MGAT4C: variants seen among roughly 807,000 people sequenced by gnomAD.
MGAT4C encodes the protein MGAT4 family member C.
A neutral mutation model predicts 40.1 loss-of-function variants in MGAT4C; 19 were observed. The ratio of observed to expected loss-of-function variants is 0.47; its 90% CI spans 0.33 to 0.70. MGAT4C has a LOEUF of 0.70. MGAT4C is among the 30% of genes least tolerant of loss of function. The probability of loss-of-function intolerance (pLI) is 0.02; values close to 1 mark genes in which losing one functional copy is unlikely to be tolerated. For missense variants in MGAT4C, 491 were observed against 563.2 expected, an observed-to-expected ratio of 0.87 and a Z score of 1.30; for synonymous variants, 181 against 187.1, an observed-to-expected ratio of 0.97 and a Z score of 0.27.
At chr12:86,091,872 G>C (rs1346210697) in intron 1 of MGAT4C, among the ~76,000 whole-genome samples, 1 of 128,102 alleles carries the variant, frequency 7.8e-6, no homozygotes. Context: ...GACATTACGA[G>C]AGGAAAGCTA....
At chr12:86,827,218 A>AT (rs1952824926) in intron 1 of MGAT4C, among the ~76,000 whole-genome samples, 1 of 151,450 alleles carries the variant, frequency 6.6e-6, no homozygotes, top group Admixed American at 6.6e-5. Context: ...GACCATGTTG[A>AT]TTTTATGGCA....
At chr12:86,645,503 C>T (rs963735733) in intron 2 of MGAT4C, among the ~76,000 whole-genome samples, 1 of 151,632 alleles carries the variant, frequency 6.6e-6, no homozygotes. Flanking sequence ...CATTTTCAGA[C>T]AGGGAACAAT....
intron 2 of MGAT4C, among the ~76,000 whole-genome samples, chr12:86,658,702 C>CA: frequency 6.6e-6 from 1 of 152,072 alleles, no homozygotes; most frequent in Non-Finnish European, 1.5e-5. Context: ...GTCATTTTTT[C>CA]AAAAAGTATT....
chr12:86,811,073 T>C (rs1392077206), intron 1 of MGAT4C, among the ~76,000 whole-genome samples: 1 of 143,272 alleles, frequency 7.0e-6, no homozygotes, highest in Admixed American at 7.3e-5. Context: ...GTGTGTTTAA[T>C]TTTCATGTGT....
At chr12:86,620,603 G>A (rs568673893) in intron 2 of MGAT4C, among the ~76,000 whole-genome samples, 7 of 152,102 alleles carry the variant, frequency 4.6e-5, no homozygotes, top group African/African-American at 1.7e-4. Flanking sequence ...TACCTATTGG[G>A]TACAATATTC....
At chr12:86,241,864 G>C (rs1174946276) in intron 1 of MGAT4C, among the ~76,000 whole-genome samples, 1 of 152,078 alleles carries the variant, frequency 6.6e-6, no homozygotes, top group African/African-American at 2.4e-5. Flanking sequence ...CTCACTACCT[G>C]TCTGACTTGG....
At chr12:86,724,885 G>A (rs566103136) in intron 2 of MGAT4C, among the ~76,000 whole-genome samples, 3 of 152,102 alleles carry the variant, frequency 2.0e-5, no homozygotes, top group Non-Finnish European at 4.4e-5. Flanking sequence ...TGCTGAAAGC[G>A]GATGTTAAGT....
chr12:85,990,823 T>C (rs1332344286), intron 2 of MGAT4C, among the ~76,000 whole-genome samples: 1 of 152,216 alleles, frequency 6.6e-6, no homozygotes, highest in Non-Finnish European at 1.5e-5. Flanking sequence ...AATATGTGTA[T>C]AAATATGCAC....
chr12:86,092,063 G>C (rs1872981550), intron 1 of MGAT4C, among the ~76,000 whole-genome samples: 1 of 152,042 alleles, frequency 6.6e-6, no homozygotes, highest in South Asian at 2.1e-4. Context: ...TGGCCCTTCA[G>C]TCTTCTCTGA....
chr12:86,493,570 TCTCA>T (rs2136325898), intron 2 of MGAT4C, among the ~76,000 whole-genome samples: 1 of 151,032 alleles, frequency 6.6e-6, no homozygotes, highest in African/African-American at 2.4e-5. Context: ...CACTGCATTT[TCTCA>T]CTCATAGGTG....
At chr12:86,607,990 C>G (rs550283055) in intron 2 of MGAT4C, among the ~76,000 whole-genome samples, 1 of 152,130 alleles carries the variant, frequency 6.6e-6, no homozygotes, top group Non-Finnish European at 1.5e-5. Context: ...TCTCCCTCAG[C>G]CTTCCAAAAA....
chr12:86,699,718 T>C (rs533259565), intron 2 of MGAT4C, among the ~76,000 whole-genome samples: 1 of 152,272 alleles, frequency 6.6e-6, no homozygotes, highest in Non-Finnish European at 1.5e-5. Context: ...TGTTATATAC[T>C]ATATTCTTAC....
At chr12:86,356,878 A>G (rs565413928) in intron 3 of MGAT4C, among the ~76,000 whole-genome samples, 8 of 152,302 alleles carry the variant, frequency 5.3e-5, no homozygotes, top group Admixed American at 4.6e-4. Flanking sequence ...CTGCCTCTGT[A>G]GAATCCACCT....
At chr12:86,050,411 C>CA (rs1892791454) in intron 1 of MGAT4C, among the ~76,000 whole-genome samples, 1 of 151,930 alleles carries the variant, frequency 6.6e-6, no homozygotes, top group Admixed American at 6.6e-5. Flanking sequence ...TTTCTTTAAG[C>CA]AAAGGTAGTT....
At chr12:86,804,557 CTT>C (rs1952311639) in intron 1 of MGAT4C, among the ~76,000 whole-genome samples, 1 of 151,808 alleles carries the variant, frequency 6.6e-6, no homozygotes, top group Admixed American at 6.6e-5. Flanking sequence ...TGAAATAAGT[CTT>C]TGTCAGTGAC....
intron 3 of MGAT4C, among the ~76,000 whole-genome samples, chr12:85,984,828 G>A (rs1444672915): frequency 6.6e-6 from 1 of 151,920 alleles, no homozygotes; most frequent in African/African-American, 2.4e-5. Flanking sequence ...GCCCAGGCTG[G>A]AGTGCAGTGG....
At chr12:86,604,778 C>T (rs751148099) in intron 2 of MGAT4C, among the ~76,000 whole-genome samples, 1 of 151,978 alleles carries the variant, frequency 6.6e-6, no homozygotes, top group East Asian at 1.9e-4. Flanking sequence ...AAAAGAAACA[C>T]ATAAAATACA....
At chr12:86,126,332 T>C (rs1880263431) in intron 1 of MGAT4C, among the ~76,000 whole-genome samples, 1 of 152,068 alleles carries the variant, frequency 6.6e-6, no homozygotes. Context: ...AAAAAGAGAA[T>C]TTAACAAAAG....
At chr12:86,451,487 T>G (rs1957424597) in intron 2 of MGAT4C, among the ~76,000 whole-genome samples, 1 of 152,142 alleles carries the variant, frequency 6.6e-6, no homozygotes, top group Non-Finnish European at 1.5e-5. Flanking sequence ...TTTGTAGATT[T>G]TTTTCCTTTG....
Sources: gnomAD v4.1 joint callset for allele counts (sites outside exome capture counted in the v4.1 genomes callset) on GRCh38, gnomAD v4.1.1 for gene constraint, MANE v1.5 for transcripts, NCBI Gene and HGNC (gene_info 2026-07-23, HGNC 2026-07-21) for gene names.